Variants in SMAD4 observed in about 807,000 individuals in gnomAD.
SMAD4 encodes MAD homolog 4.
A neutral mutation model predicts 63.2 loss-of-function variants in SMAD4; 7 were observed. That is an observed-to-expected ratio of 0.11 (90% CI 0.06 to 0.21). The LOEUF is 0.21. SMAD4 is among the 10% of genes least tolerant of loss of function. The probability of loss-of-function intolerance (pLI) is 1.00; values close to 1 mark genes in which losing one functional copy is unlikely to be tolerated. For synonymous variants in SMAD4, 215 were observed against 235.4 expected (o/e 0.91, Z 0.79); for missense variants, 312 against 693.8 (o/e 0.45, Z 6.18).
chr18:51,031,343 G>A (rs1909045354), intron 1 of SMAD4, among the ~76,000 whole-genome samples: 2 of 152,210 alleles, frequency 1.3e-5, no homozygotes, highest in Admixed American at 1.3e-4. Flanking sequence ...AAAGACACAA[G>A]TGTGTTTAGT....
chr18:51,035,920 G>C (rs1599173261), intron 1 of SMAD4, among the ~76,000 whole-genome samples: 2 of 152,326 alleles, frequency 1.3e-5, no homozygotes, highest in Middle Eastern at 3.4e-3. Flanking sequence ...GGGAATCTGT[G>C]TTATTTTTAA....
rs1226052722 is a variant in SMAD4 at position 51,082,008 on chromosome 18, TTC to T, written c.*3545_*3546del. 1 of 231,746 alleles carries T rather than the reference TTC, an allele frequency of 4.3e-6. No individual in the cohort carries two copies. The highest frequency in any genetic ancestry group is 8.5e-6 in the Non-Finnish European group (1 of 117,218). 14.4% of individuals were successfully genotyped at this position (231,746 alleles called of 1,614,324 possible). On this transcript the variant is annotated 3_prime_UTR_variant, in exon 12 of 12. Coordinates refer to ENST00000342988, the MANE Select transcript of SMAD4 (RefSeq NM_005359.6). The stretch of plus-strand genomic sequence containing the variant: ...GAGCCTTTTGGGAGAAGCAGTTTTA[TTC>T]TCTGAGTGGAACAGAGTTCTTTTTG...
At chr18:51,060,806 G>A (rs907496574) in intron 8 of SMAD4, among the ~76,000 whole-genome samples, 38 of 152,018 alleles carry the variant, frequency 2.5e-4, no homozygotes, top group Admixed American at 2.0e-4. Context: ...GCTAATGTTT[G>A]TATTTTAGTA....
chr18:51,083,726 A>T lies in SMAD4; in HGVS notation c.*5259A>T, dbSNP rs139414609. The stretch of plus-strand genomic sequence containing the variant: ...TCTGGGCCTTAGTTGCCTCATCTGT[A>T]AAATGAGGGAGTTGGAGTAGATTAA... On this transcript the variant is annotated 3_prime_UTR_variant, in exon 12 of 12. Transcript: ENST00000342988. 2.2e-3 allele frequency: 498 copies of T among 228,822 alleles called. 2 individuals are homozygous for T. Among genetic ancestry groups the T allele is most frequent in the African/African-American group, 9.6e-3 (435 of 45,194 alleles). 14.2% of individuals were successfully genotyped at this position (228,822 alleles called of 1,614,324 possible).
At chr18:51,042,735 T>G (rs577041300) in intron 1 of SMAD4, among the ~76,000 whole-genome samples, 2 of 152,290 alleles carry the variant, frequency 1.3e-5, no homozygotes, top group Admixed American at 6.5e-5. Flanking sequence ...CAAATCTTAC[T>G]CTGTCACTTG....
intron 1 of SMAD4, among the ~76,000 whole-genome samples, chr18:51,034,857 A>G (rs1005472195): frequency 6.6e-6 from 1 of 152,150 alleles, no homozygotes; most frequent in Non-Finnish European, 1.5e-5. Context: ...GTAGTTTTCA[A>G]TCTTGGCTGT....
chr18:51,056,110 A>G (rs1909838635), intron 5 of SMAD4, among the ~76,000 whole-genome samples: 1 of 152,180 alleles, frequency 6.6e-6, no homozygotes, highest in South Asian at 2.1e-4. Flanking sequence ...TTCCTTAATC[A>G]CTTGGTGCTT....
Position 51,081,459 on chromosome 18 carries a change from A to G in SMAD4, c.*2992A>G, listed in dbSNP as rs1213575251. 1 of 231,002 alleles carries G rather than the reference A, an allele frequency of 4.3e-6. No homozygotes were observed. Among genetic ancestry groups the G allele is most frequent in the Non-Finnish European group, 8.6e-6 (1 of 116,748 alleles). The allele number at this position is 231,002 out of a possible 1,614,324, so 14.3% of individuals were successfully genotyped here. A position where few individuals can be genotyped will look rare whatever the true frequency, so the allele number is the denominator to read the frequency against. ...CTGGTATACAAAGATAATGACAATA[A>G]ATCACTGCCATATAACCTTGCTTTT... On this transcript the variant is annotated 3_prime_UTR_variant, in exon 12 of 12. Transcript: ENST00000342988.
At chr18:51,034,277 G>A (rs981626262) in intron 1 of SMAD4, among the ~76,000 whole-genome samples, 5 of 134,630 alleles carry the variant, frequency 3.7e-5, no homozygotes, top group Admixed American at 8.5e-5. Context: ...ACGGAGTTTC[G>A]CTCTTGTCAC....
At position 51,046,954 on chromosome 18, in the gene SMAD4, C is replaced by A; in HGVS notation, c.-93C>A. ...AATACATGTCTAACAATTTTCCTTGCAACGTTAGCTGTTGTTTTTCACTGT... is the reference window on the plus strand; with the variant it reads ...AATACATGTCTAACAATTTTCCTTGAAACGTTAGCTGTTGTTTTTCACTGT... On this transcript the variant is annotated 5_prime_UTR_variant, in exon 2 of 12. An upstream open reading frame in the 5' UTR gains an earlier in-frame stop. Coordinates refer to ENST00000342988, the MANE Select transcript of SMAD4 (RefSeq NM_005359.6). 1 of 1,134,318 alleles carries A rather than the reference C, an allele frequency of 8.8e-7. No individual in the cohort carries two copies. The highest frequency in any genetic ancestry group is 1.3e-6 in the Non-Finnish European group (1 of 759,922). The allele number at this position is 1,134,318 out of a possible 1,614,324, so 70.3% of individuals were successfully genotyped here.
chr18:51,055,137 A>C (rs144717953), intron 5 of SMAD4, 144 bp downstream of exon 5: 9 of 697,344 alleles, frequency 1.3e-5, no homozygotes, highest in Admixed American at 8.4e-5. Flanking sequence ...GGTATTAAAC[A>C]GGTATGCACA....
At chr18:51,038,963 T>C (rs547166904) in intron 1 of SMAD4, among the ~76,000 whole-genome samples, 1 of 152,254 alleles carries the variant, frequency 6.6e-6, no homozygotes, top group East Asian at 1.9e-4. Flanking sequence ...AAAAATTAGC[T>C]GGGCATGGTG....
At chr18:51,056,694 T>TA (rs1909856448) in intron 5 of SMAD4, among the ~76,000 whole-genome samples, 1 of 150,322 alleles carries the variant, frequency 6.7e-6, no homozygotes, top group Admixed American at 6.6e-5. Context: ...GAAGTTGAAC[T>TA]AAAATAGAAG....
At chr18:51,046,898 C>CTTTTTTTTTTTTT in intron 1 of SMAD4, 22 bp from the exon 2 acceptor site, 1 of 540,562 alleles carries the variant, frequency 1.8e-6, no homozygotes, top group Non-Finnish European at 3.2e-6. Flanking sequence ...TGATGTGTGT[C>CTTTTTTTTTTTTT]TTTTTTTTTT....
At chr18:51,073,814 A>G (rs1462719195) in intron 10 of SMAD4, among the ~76,000 whole-genome samples, 1 of 152,052 alleles carries the variant, frequency 6.6e-6, no homozygotes, top group Admixed American at 6.5e-5. Context: ...TACAGGAGAG[A>G]GCCACTGTGC....
At chr18:51,045,255 C>A (rs1464952652) in intron 1 of SMAD4, among the ~76,000 whole-genome samples, 1 of 152,132 alleles carries the variant, frequency 6.6e-6, no homozygotes, top group Non-Finnish European at 1.5e-5. Context: ...CAAAGGTCTT[C>A]AGAAGAGGAA....
At chr18:51,042,432 C>CTCA in intron 1 of SMAD4, among the ~76,000 whole-genome samples, 1 of 151,764 alleles carries the variant, frequency 6.6e-6, no homozygotes, top group South Asian at 2.1e-4. Context: ...AGTGCAGTGG[C>CTCA]GTGATCTTGG....
intron 8 of SMAD4, among the ~76,000 whole-genome samples, chr18:51,060,884 A>C: frequency 6.6e-6 from 1 of 151,732 alleles, no homozygotes; most frequent in Non-Finnish European, 1.5e-5. Context: ...TCCTCCTGCT[A>C]ATAATTTTAT....
At chr18:51,035,756 C>T (rs1158205125) in intron 1 of SMAD4, among the ~76,000 whole-genome samples, 2 of 152,184 alleles carry the variant, frequency 1.3e-5, no homozygotes, top group Admixed American at 6.5e-5. Context: ...TTCAGCTCTC[C>T]ATTTACATCA....
Sources: gnomAD v4.1 joint callset for allele counts (sites outside exome capture counted in the v4.1 genomes callset) on GRCh38, gnomAD v4.1.1 for gene constraint, MANE v1.5 for transcripts, NCBI Gene and HGNC (gene_info 2026-07-23, HGNC 2026-07-21) for gene names.